The following LRP5 variants were observed in gnomAD, a reference collection of about 807,000 sequenced individuals.
LRP5 encodes low-density lipoprotein receptor-related protein 5.
Under a neutral mutation model 154.1 loss-of-function variants are expected in LRP5, and 62 were observed. The observed-to-expected ratio is 0.40, with a 90% CI of 0.33 to 0.50. The LOEUF is 0.50. Among genes scored for constraint, LRP5 ranks in the 20% least tolerant of loss-of-function variants. LRP5 has a pLI of 0.55. For synonymous variants in LRP5, 966 were observed against 1,011.5 expected, an observed-to-expected ratio of 0.96 and a Z score of 0.85; for missense variants, 1,915 against 2,336.7, an observed-to-expected ratio of 0.82 and a Z score of 3.72.
intron 1 of LRP5, among the ~76,000 whole-genome samples, chr11:68,320,946 C>T (rs1487434203): frequency 6.6e-6 from 1 of 151,920 alleles, no homozygotes; most frequent in African/African-American, 2.4e-5. Context: ...TTCCCTATGG[C>T]TTTTTTCCTA....
Position 68,357,716 on chromosome 11 carries a change from C to G in LRP5, c.555C>G (p.Thr185=). The change falls in exon 3 of 23, where the codon ACC becomes ACG. Residue 185 remains threonine (T), a synonymous_variant. Transcript: ENST00000294304. ...RIERAGMDGS[T]RKIIVDSDIY... Reference sequence around the variant, plus strand: ...AGCGGGCAGGGATGGATGGCAGCACCCGGAAGATCATTGTGGACTCGGACA... The same window carrying G: ...AGCGGGCAGGGATGGATGGCAGCACGCGGAAGATCATTGTGGACTCGGACA... The G allele has an allele frequency of 6.2e-7, 1 of 1,614,156 alleles. No homozygotes were observed. Among genetic ancestry groups the G allele is most frequent in the South Asian group, 1.1e-5 (1 of 91,066 alleles).
chr11:68,406,404 C>G lies in LRP5; in HGVS notation c.1802-120C>G, dbSNP rs1054623645. On this transcript the variant is annotated intron_variant, in intron 8 of 22. Transcript: ENST00000294304. ...GGTCGGACCTGACCCGGGGGTGAGT[C>G]CTGAGCTCGGCACCCCTGAGCTGTG... 38 of 1,111,438 alleles carry G rather than the reference C, an allele frequency of 3.4e-5. No homozygotes were observed. In the African/African-American group the frequency reaches 5.5e-4, roughly 16 times the overall value. The allele number at this position is 1,111,438 out of a possible 1,614,324, so 68.8% of individuals were successfully genotyped here.
intron 1 of LRP5, among the ~76,000 whole-genome samples, chr11:68,336,254 C>T (rs1277501551): frequency 1.3e-5 from 2 of 152,142 alleles, no homozygotes; most frequent in Non-Finnish European, 2.9e-5. Context: ...TGGTGGGGAC[C>T]TCTGGGACAG....
intron 16 of LRP5, among the ~76,000 whole-genome samples, chr11:68,427,793 A>G (rs1008014679): frequency 6.6e-6 from 1 of 152,088 alleles, no homozygotes; most frequent in African/African-American, 2.4e-5. Flanking sequence ...TGGGTGGGGC[A>G]GGGAACAGAG....
In LRP5 at chr11:68,423,181, G is replaced by A. The variant is rs563097247; in HGVS notation, c.3028-308G>A. On this transcript the variant is annotated intron_variant, in intron 13 of 22. Coordinates refer to ENST00000294304, the MANE Select transcript of LRP5 (RefSeq NM_002335.4). This position sits in a 1 kb window ranked among gnomAD's most constrained non-coding sequence, Gnocchi z 4.7. ...GGGTGGCTGAGGAGGCCTAAAGTCC[G>A]AGGCGGCAAGAGCTCTTCCAGAGGC... Among the ~76,000 whole-genome samples, 5 of 152,298 alleles carry A rather than the reference G, an allele frequency of 3.3e-5. No individual in the cohort carries two copies. The South Asian group carries it at 6.2e-4, about 19-fold the overall frequency.
intron 5 of LRP5, among the ~76,000 whole-genome samples, chr11:68,372,015 G>T (rs1399371976): frequency 4.6e-5 from 7 of 152,228 alleles, no homozygotes; most frequent in African/African-American, 1.7e-4. Context: ...TGTGGTGAGG[G>T]CTCTGGAGCT....
intron 7 of LRP5, among the ~76,000 whole-genome samples, chr11:68,390,580 T>C (rs539991121): frequency 6.6e-6 from 1 of 152,286 alleles, no homozygotes; most frequent in Non-Finnish European, 1.5e-5. Flanking sequence ...CTCCCTTTGC[T>C]GGGTGCAGCC....
At chr11:68,359,767 C>T (rs2098626112) in intron 3 of LRP5, among the ~76,000 whole-genome samples, 1 of 151,070 alleles carries the variant, frequency 6.6e-6, no homozygotes, top group Non-Finnish European at 1.5e-5. Context: ...GCAGCCTTGA[C>T]CTCTTTTTTT....
At chr11:68,409,199 A>G (rs1277535486) in intron 9 of LRP5, among the ~76,000 whole-genome samples, 3 of 111,866 alleles carry the variant, frequency 2.7e-5, no homozygotes, top group Non-Finnish European at 5.3e-5. Context: ...TATAAATTAT[A>G]TTTATAAGTA....
chr11:68,419,863 G>A (rs948967456), intron 13 of LRP5, among the ~76,000 whole-genome samples: 2 of 151,832 alleles, frequency 1.3e-5, no homozygotes, highest in African/African-American at 2.4e-5. Flanking sequence ...TTGAGACAGG[G>A]TCTTGCCCTG....
intron 21 of LRP5, among the ~76,000 whole-genome samples, chr11:68,444,550 G>T (rs1279262133): frequency 5.3e-3 from 6 of 1,136 alleles, no homozygotes; most frequent in Non-Finnish European, 0.019. Context: ...CAGATGAGCC[G>T]AGTGGCCTCC....
At position 68,440,038 on chromosome 11, in the gene LRP5, C is replaced by T. The variant is rs556321912; in HGVS notation, c.4488+122C>T. 57 of 823,516 alleles carry T rather than the reference C, an allele frequency of 6.9e-5. No individual in the cohort carries two copies. In the African/African-American group the frequency reaches 8.6e-4, roughly 12 times the overall value. 51.0% of individuals were successfully genotyped at this position (823,516 alleles called of 1,614,324 possible). A position where few individuals can be genotyped will look rare whatever the true frequency, so the allele number is the denominator to read the frequency against. On this transcript the variant is annotated intron_variant, in intron 21 of 22. Transcript: ENST00000294304. The stretch of plus-strand genomic sequence containing the variant: ...GCTGTGCCACCGCCTCTGAGGCATG[C>T]TTGCTTTCTTCCCTTTTCAAACCCT...
At chr11:68,424,271 G>GGGGC (rs896309331) in intron 14 of LRP5, among the ~76,000 whole-genome samples, 2 of 152,204 alleles carry the variant, frequency 1.3e-5, no homozygotes, top group African/African-American at 4.8e-5. Context: ...CAGATAGCTG[G>GGGGC]GGGGCTGGCA....
intron 7 of LRP5, among the ~76,000 whole-genome samples, chr11:68,399,350 G>A (rs2098651333): frequency 6.6e-6 from 1 of 151,880 alleles, no homozygotes; most frequent in African/African-American, 2.4e-5. Flanking sequence ...TAGCCTGGGT[G>A]ACAGAGCCCA....
At chr11:68,335,785 C>T (rs1396880709) in intron 1 of LRP5, among the ~76,000 whole-genome samples, 1 of 152,148 alleles carries the variant, frequency 6.6e-6, no homozygotes, top group Non-Finnish European at 1.5e-5. Flanking sequence ...GAAAGCATGG[C>T]ACTAGCTAGA....
intron 17 of LRP5, among the ~76,000 whole-genome samples, chr11:68,432,109 G>T (rs1252227494): frequency 1.3e-5 from 2 of 152,222 alleles, no homozygotes; most frequent in African/African-American, 4.8e-5. Flanking sequence ...CCGCCATTCA[G>T]CCCTTCCCTG....
rs1312708788 is a variant in LRP5, at chr11:68,423,296, G to A, written c.3028-193G>A. Among the ~76,000 whole-genome samples the A allele has an allele frequency of 6.6e-6, 1 of 152,182 alleles. No individual in the cohort carries two copies. The highest frequency in any genetic ancestry group is 2.4e-5 in the African/African-American group (1 of 41,450). Reference sequence around the variant, plus strand: ...GACCCCCACACCAATACTGGGATTTGACTTTCAGGCTAAACTTGAGAAGTG... The same window carrying A: ...GACCCCCACACCAATACTGGGATTTAACTTTCAGGCTAAACTTGAGAAGTG... On this transcript the variant is annotated intron_variant, in intron 13 of 22. Coordinates refer to ENST00000294304, the MANE Select transcript of LRP5 (RefSeq NM_002335.4). The surrounding 1 kb of genome is among the most constrained non-coding windows in gnomAD (Gnocchi z 4.7).
chr11:68,414,372 A>G (rs1478389823), intron 12 of LRP5, among the ~76,000 whole-genome samples: 2 of 152,162 alleles, frequency 1.3e-5, no homozygotes, highest in African/African-American at 4.8e-5. Flanking sequence ...GGGGAGTAGC[A>G]TGGTCCCATT....
rs201268200 is a variant in LRP5, at chr11:68,365,717, C to A, written c.1015+15C>A. ...GTGTAAGGCAGGTGAGGCGGTGGGA[C>A]GGGACGGGGCGGGCGGGCGGGGCGG... On this transcript the variant is annotated intron_variant, in intron 5 of 22. Transcript: ENST00000294304. 1.9e-5 allele frequency: 1 copy of A among 51,836 alleles called. No individual in the cohort carries two copies. Among genetic ancestry groups the A allele is most frequent in the Non-Finnish European group, 4.5e-5 (1 of 22,086 alleles). The allele number at this position is 51,836 out of a possible 1,614,324, so 3.2% of individuals were successfully genotyped here. A position where few individuals can be genotyped will look rare whatever the true frequency, so the allele number is the denominator to read the frequency against.
Sources: allele counts gnomAD v4.1 joint callset (sites outside exome capture counted in the v4.1 genomes callset), GRCh38; gene constraint gnomAD v4.1.1; non-coding constraint Gnocchi (gnomAD v3.1); transcripts MANE v1.5; gene names NCBI Gene and HGNC (gene_info 2026-07-23, HGNC 2026-07-21).